Variants in ADCY8 observed in about 807,000 individuals in gnomAD.
ADCY8 encodes adenylate cyclase type 8.
A neutral mutation model predicts 119.7 loss-of-function variants in ADCY8; 51 were observed. The ratio of observed to expected loss-of-function variants is 0.43; its 90% confidence interval spans 0.34 to 0.54. The LOEUF (loss-of-function observed/expected upper bound fraction) is 0.54. ADCY8 is among the 20% of genes least tolerant of loss of function. The pLI, the probability that ADCY8 is intolerant of heterozygous loss-of-function variation, is 0.03. For missense variants in ADCY8, 1,383 were observed against 1,598.8 expected (o/e 0.87, Z 2.30); for synonymous variants, 665 against 651.0 (o/e 1.02, Z -0.33).
chr8:130,958,739 G>A (rs919581454), intron 2 of ADCY8, among the ~76,000 whole-genome samples: 1 of 152,158 alleles, frequency 6.6e-6, no homozygotes, highest in Non-Finnish European at 1.5e-5. Context: ...CCCTTGACAT[G>A]TGAGGATTAT....
At chr8:131,012,664 A>C (rs1823346875) in intron 1 of ADCY8, among the ~76,000 whole-genome samples, 1 of 152,172 alleles carries the variant, frequency 6.6e-6, no homozygotes, top group Non-Finnish European at 1.5e-5. Context: ...TCAGCTAAAG[A>C]GGGTCTTCTC....
intron 1 of ADCY8, among the ~76,000 whole-genome samples, chr8:131,008,882 C>T (rs1313137500): frequency 1.3e-5 from 2 of 152,118 alleles, no homozygotes; most frequent in Non-Finnish European, 2.9e-5. Context: ...AATGGTGACC[C>T]TTGCTATGTT....
At chr8:130,902,890 A>C (rs1466131595) in intron 7 of ADCY8, among the ~76,000 whole-genome samples, 2 of 152,046 alleles carry the variant, frequency 1.3e-5, no homozygotes, top group African/African-American at 4.8e-5. Flanking sequence ...CTTTCTCTAA[A>C]AATGTATAGT....
intron 2 of ADCY8, among the ~76,000 whole-genome samples, chr8:130,961,948 C>T (rs1293468204): frequency 6.6e-6 from 1 of 152,166 alleles, no homozygotes; most frequent in African/African-American, 2.4e-5. Flanking sequence ...GTACTCCAGC[C>T]TGGGCAACAG....
intron 2 of ADCY8, among the ~76,000 whole-genome samples, chr8:130,963,816 C>T (rs1821680963): frequency 6.6e-6 from 1 of 152,170 alleles, no homozygotes; most frequent in Non-Finnish European, 1.5e-5. Flanking sequence ...GGAGGAAAAG[C>T]TGGGCTTCTG....
Position 130,904,004 on chromosome 8 carries a change from T to A in ADCY8, c.1679A>T (p.Asn560Ile). 6.2e-7 allele frequency: 1 copy of A among 1,614,122 alleles called. No homozygotes were observed. The highest frequency in any genetic ancestry group is 8.5e-7 in the Non-Finnish European group (1 of 1,179,968). ...GCCCTCTTCCACGTTATAGTCACCGTTGAGACAGTCCAGCGTGGCTTTGGA... is the reference window on the plus strand; with the variant it reads ...GCCCTCTTCCACGTTATAGTCACCGATGAGACAGTCCAGCGTGGCTTTGGA... ...HISKATLDCL[N>I]GDYNVEEGHG... Residue 560 changes from asparagine to isoleucine, a missense_variant, in exon 7 of 18, where the codon AAC becomes ATC. Around this residue, in one of 2 missense-constraint regions of ADCY8, gnomAD observed 928 missense variants for 1,163.5 expected, o/e 0.80. Coordinates refer to ENST00000286355, the MANE Select transcript of ADCY8 (RefSeq NM_001115.3).
Position 130,847,451 on chromosome 8 carries a change from C to A in ADCY8, c.2475G>T (p.Val825=), listed in dbSNP as rs1022164696. 4.3e-6 allele frequency: 7 copies of A among 1,611,372 alleles called. No individual in the cohort carries two copies. The highest frequency in any genetic ancestry group is 5.9e-6 in the Non-Finnish European group (7 of 1,179,156). ...LKNLTFNSSA[V]FTDICSYPEY... ...CTGGGTAGGAGCAGATATCTGTAAA[C>A]ACAGCTGAGGAATTGAAAGTCAGGT... Residue 825 remains valine, a synonymous_variant, in exon 11 of 18, where the codon GTG becomes GTT. Transcript: ENST00000286355.
chr8:130,852,677 C>T (rs1817572091), intron 9 of ADCY8, among the ~76,000 whole-genome samples: 1 of 152,122 alleles, frequency 6.6e-6, no homozygotes, highest in Admixed American at 6.5e-5. Context: ...GCCTGTGGAC[C>T]TCCACATGGC....
chr8:131,012,738 A>G (rs1186123360), intron 1 of ADCY8, among the ~76,000 whole-genome samples: 1 of 152,184 alleles, frequency 6.6e-6, no homozygotes, highest in Admixed American at 6.5e-5. Flanking sequence ...GGAACTCATA[A>G]TGGAACTCAG....
chr8:131,008,151 C>G (rs1823183689), intron 1 of ADCY8, among the ~76,000 whole-genome samples: 1 of 152,152 alleles, frequency 6.6e-6, no homozygotes, highest in South Asian at 2.1e-4. Flanking sequence ...TCACCCTAAT[C>G]CCCAGTTTAT....
chr8:130,844,081 C>T (rs1037493635), intron 11 of ADCY8, among the ~76,000 whole-genome samples: 3 of 152,140 alleles, frequency 2.0e-5, no homozygotes, highest in Non-Finnish European at 4.4e-5. Context: ...CCCTTTAAAA[C>T]CATAGCAAGC....
At chr8:130,812,086 C>T (rs568170286) in intron 14 of ADCY8, among the ~76,000 whole-genome samples, 2 of 152,242 alleles carry the variant, frequency 1.3e-5, no homozygotes, top group South Asian at 2.1e-4. Flanking sequence ...TTCTTCTCTC[C>T]ATCTCCACTG....
At chr8:130,991,773 G>A (rs1288259949) in intron 1 of ADCY8, among the ~76,000 whole-genome samples, 1 of 152,166 alleles carries the variant, frequency 6.6e-6, no homozygotes, top group African/African-American at 2.4e-5. Flanking sequence ...CCCAGATGTT[G>A]GAATCAGCAG....
At chr8:130,882,868 G>A (rs946240333) in intron 8 of ADCY8, among the ~76,000 whole-genome samples, 1 of 152,318 alleles carries the variant, frequency 6.6e-6, no homozygotes, top group Non-Finnish European at 1.5e-5. Context: ...GTAAGAGTCA[G>A]TGAAGAATAT....
chr8:131,038,603 GA>G (rs1362295527), intron 1 of ADCY8, among the ~76,000 whole-genome samples: 1 of 152,150 alleles, frequency 6.6e-6, no homozygotes, highest in Non-Finnish European at 1.5e-5. Context: ...AGAAAGGAGG[GA>G]AAGATACCTA....
chr8:131,017,480 G>C (rs1257637774), intron 1 of ADCY8, among the ~76,000 whole-genome samples: 1 of 152,156 alleles, frequency 6.6e-6, no homozygotes, highest in East Asian at 1.9e-4. Context: ...TCCACACATT[G>C]GCTTGTGAAT....
At chr8:130,784,071 A>G (rs1344512548) in intron 16 of ADCY8, among the ~76,000 whole-genome samples, 1 of 152,048 alleles carries the variant, frequency 6.6e-6, no homozygotes, top group East Asian at 1.9e-4. Context: ...TTGATGTAGC[A>G]TCAATTCCGT....
At chr8:130,902,708 G>C (rs916479811) in intron 7 of ADCY8, among the ~76,000 whole-genome samples, 1 of 152,076 alleles carries the variant, frequency 6.6e-6, no homozygotes, top group Non-Finnish European at 1.5e-5. Context: ...AAGTTAATGA[G>C]AAATGTTGAG....
intron 15 of ADCY8, among the ~76,000 whole-genome samples, chr8:130,794,365 C>T (rs1279617349): frequency 6.6e-6 from 1 of 152,182 alleles, no homozygotes; most frequent in Non-Finnish European, 1.5e-5. Flanking sequence ...CTGCCTCAGC[C>T]TCCCGAGTAG....
Sources: allele counts gnomAD v4.1 joint callset (sites outside exome capture counted in the v4.1 genomes callset), GRCh38; gene constraint gnomAD v4.1.1; regional missense constraint gnomAD v4.1.1; transcripts MANE v1.5; gene names NCBI Gene and HGNC (gene_info 2026-07-23, HGNC 2026-07-21).